ITSN1: variants seen among roughly 807,000 people sequenced by gnomAD.
The protein encoded by ITSN1 is intersectin 1, also known as intersectin-1.
Under a neutral mutation model 239.8 loss-of-function variants are expected in ITSN1, and 58 were observed. That is an observed-to-expected ratio of 0.24 (90% CI 0.20 to 0.30). The LOEUF (loss-of-function observed/expected upper bound fraction) is 0.30, where lower values mean the gene tolerates loss of function less well. Ranked by LOEUF, ITSN1 falls within the 10% of genes least tolerant of loss-of-function variation. ITSN1 has a pLI of 1.00. For missense variants in ITSN1, 1,558 were observed against 2,103.3 expected, an observed-to-expected ratio of 0.74 and a Z score of 5.07; for synonymous variants, 780 against 770.8, an observed-to-expected ratio of 1.01 and a Z score of -0.20.
chr21:33,888,499 A>G lies in ITSN1; in HGVS notation c.*199A>G. On this transcript the variant is annotated 3_prime_UTR_variant, in exon 40 of 40. Transcript: ENST00000381318. ...CCCGAAACAATTTCCTGTTTCATGA[A>G]ACAAAGCTGTGTTTTCCTTTGTCCT... 1 of 586,200 alleles carries G rather than the reference A, an allele frequency of 1.7e-6. No individual in the cohort carries two copies. Among genetic ancestry groups the G allele is most frequent in the Non-Finnish European group, 3.0e-6 (1 of 338,564 alleles). The allele number at this position is 586,200 out of a possible 1,614,324, so 36.3% of individuals were successfully genotyped here.
chr21:33,883,383 A>G (rs1731812603), intron 35 of ITSN1, among the ~76,000 whole-genome samples, 167 bp from the exon 36 acceptor site: 1 of 152,188 alleles, frequency 6.6e-6, no homozygotes. Context: ...ACACACACAC[A>G]TGCTCAGTCT....
In ITSN1 at chr21:33,667,403, A is replaced by C. The variant is rs116775358; in HGVS notation, c.-33+24690A>C. Among the ~76,000 whole-genome samples the C allele has an allele frequency of 5.6e-3, 856 of 152,310 alleles. 8 individuals carry two copies. The highest frequency in any genetic ancestry group is 0.02 in the African/African-American group (820 of 41,570). ...GTATGTGCCAATAATGAAAAAGCAT[A>C]TACGAACTACTTGTATTATATATTT... On this transcript the variant is annotated intron_variant, in intron 1 of 39. Transcript: ENST00000381318.
At chr21:33,830,145 T>C (rs1199532644) in intron 27 of ITSN1, among the ~76,000 whole-genome samples, 4 of 152,166 alleles carry the variant, frequency 2.6e-5, no homozygotes, top group African/African-American at 7.2e-5. Flanking sequence ...ATCACAGTAT[T>C]TTTAGTTCCC....
At position 33,737,624 on chromosome 21, in the gene ITSN1, A is replaced by G. The variant is rs113551809; in HGVS notation, c.346+2420A>G. Among the ~76,000 whole-genome samples, 1,096 of 152,100 alleles carry G rather than the reference A, an allele frequency of 7.2e-3. 14 individuals carry two copies. The highest frequency in any genetic ancestry group is 0.025 in the African/African-American group (1,043 of 41,506). On this transcript the variant is annotated intron_variant, in intron 5 of 39. Coordinates refer to ENST00000381318, the MANE Select transcript of ITSN1 (RefSeq NM_003024.3). ...ACTCTCACTTAGTCGCCCAGGCTGG[A>G]GTGCAGTAGCATGATCTTGGCTCAC...
At chr21:33,840,077 C>T (rs1178299793) in intron 29 of ITSN1, among the ~76,000 whole-genome samples, 1 of 152,192 alleles carries the variant, frequency 6.6e-6, no homozygotes, top group Non-Finnish European at 1.5e-5. Context: ...ATTTAATCAC[C>T]TAAGCTCATG....
intron 1 of ITSN1, among the ~76,000 whole-genome samples, chr21:33,687,398 T>TAAAAAA (rs58230508): frequency 2.5e-5 from 2 of 81,344 alleles, no homozygotes; most frequent in African/African-American, 5.4e-5. Context: ...AACTCCATCT[T>TAAAAAA]AAAAAAAAAA....
intron 29 of ITSN1, among the ~76,000 whole-genome samples, chr21:33,844,754 C>T (rs1329916134): frequency 1.3e-5 from 2 of 152,054 alleles, no homozygotes; most frequent in African/African-American, 2.4e-5. Flanking sequence ...CCAGGGATGC[C>T]TCTTTCCTCT....
chr21:33,691,330 T>G (rs943615967), intron 1 of ITSN1, among the ~76,000 whole-genome samples: 6 of 152,216 alleles, frequency 3.9e-5, no homozygotes, highest in Non-Finnish European at 5.9e-5. Context: ...GAAAAAAACA[T>G]TTTTAAGTTT....
intron 19 of ITSN1, among the ~76,000 whole-genome samples, chr21:33,800,476 CTT>C (rs1569206551): frequency 6.6e-6 from 1 of 152,064 alleles, no homozygotes; most frequent in Non-Finnish European, 1.5e-5. Flanking sequence ...ACTTTTGTAT[CTT>C]TGCATCAAAG....
At chr21:33,758,887 C>T (rs2068096186) in intron 8 of ITSN1, among the ~76,000 whole-genome samples, 1 of 152,084 alleles carries the variant, frequency 6.6e-6, no homozygotes, top group Non-Finnish European at 1.5e-5. Context: ...CTTTATGTAC[C>T]TAGGTTTCCA....
At chr21:33,870,994 CATG>C (rs1465715022) in intron 33 of ITSN1, among the ~76,000 whole-genome samples, 1 of 152,126 alleles carries the variant, frequency 6.6e-6, no homozygotes, top group Non-Finnish European at 1.5e-5. Flanking sequence ...ATGTTCCCTA[CATG>C]ATGTGTATCT....
chr21:33,642,920 G>C (rs1456437364), intron 1 of ITSN1, among the ~76,000 whole-genome samples: 2 of 151,166 alleles, frequency 1.3e-5, no homozygotes, highest in Non-Finnish European at 3.0e-5. Context: ...CTCGGGGGTG[G>C]CGGCGGAGTG....
intron 20 of ITSN1, among the ~76,000 whole-genome samples, chr21:33,805,677 AT>A (rs1008524573): frequency 1.3e-5 from 2 of 151,696 alleles, no homozygotes; most frequent in African/African-American, 4.8e-5. Context: ...TTGTTTGTTT[AT>A]TTTTTGTTTT....
In ITSN1 at chr21:33,764,757, G is replaced by A. The variant is rs141970279; in HGVS notation, c.789-1118G>A. ...ACCAGTTTCCCATTGCATTTGTCCT[G>A]TTGACATTCTAGTGAATGGATGTGT... On this transcript the variant is annotated intron_variant, in intron 9 of 39. Transcript: ENST00000381318. 5.0e-4 allele frequency among the ~76,000 whole-genome samples: 76 copies of A among 152,338 alleles called. 1 individual carries two copies. In the East Asian group the frequency reaches 0.014, roughly 27 times the overall value.
chr21:33,735,320 T>C, intron 5 of ITSN1, 116 bp downstream of exon 5: 1 of 1,033,166 alleles, frequency 9.7e-7, no homozygotes, highest in Non-Finnish European at 1.5e-6. Flanking sequence ...TAATTCTGTC[T>C]GAAAAATGAT....
intron 26 of ITSN1, chr21:33,829,258 T>G (rs1159975748): frequency 2.9e-6 from 1 of 341,218 alleles, no homozygotes; most frequent in Non-Finnish European, 5.7e-6. Context: ...GGGTGGGTGG[T>G]GAATGAGGCC....
chr21:33,828,921 T>C (rs1285702502), intron 26 of ITSN1: 3 of 470,412 alleles, frequency 6.4e-6, no homozygotes, highest in African/African-American at 6.0e-5. Flanking sequence ...CACATTTTTT[T>C]CCCTGTGCTG....
intron 1 of ITSN1, among the ~76,000 whole-genome samples, chr21:33,652,365 A>G (rs1051821574): frequency 6.6e-6 from 1 of 152,104 alleles, no homozygotes; most frequent in Non-Finnish European, 1.5e-5. Context: ...TTCAAAGCAT[A>G]CCTGAGGGCT....
At chr21:33,885,145 T>C (rs1985573260) in intron 37 of ITSN1, 22 bp downstream of exon 37, 1 of 1,594,458 alleles carries the variant, frequency 6.3e-7, no homozygotes, top group East Asian at 2.2e-5. Flanking sequence ...CCCCGCGGGG[T>C]GTCCTGCACA....
Sources: allele counts gnomAD v4.1 joint callset (sites outside exome capture counted in the v4.1 genomes callset), GRCh38; gene constraint gnomAD v4.1.1; transcripts MANE v1.5; gene names NCBI Gene and HGNC (gene_info 2026-07-23, HGNC 2026-07-21).